LRRN1: variants seen among roughly 807,000 people sequenced by gnomAD.
LRRN1 encodes the protein leucine-rich repeat neuronal protein 1.
In LRRN1, 14 loss-of-function variants were observed where a neutral mutation model predicts 45.8. The ratio of observed to expected loss-of-function variants is 0.31; its 90% confidence interval spans 0.20 to 0.48. The LOEUF is 0.48. LRRN1 is among the 20% of genes least tolerant of loss of function. The pLI is 0.99. For missense variants in LRRN1, 789 were observed against 874.2 expected, an observed-to-expected ratio of 0.90 and a Z score of 1.23; for synonymous variants, 359 against 330.1, an observed-to-expected ratio of 1.09 and a Z score of -0.95.
At chr3:3,823,164 C>T (rs1693140045) in intron 1 of LRRN1, among the ~76,000 whole-genome samples, 1 of 152,122 alleles carries the variant, frequency 6.6e-6, no homozygotes, top group African/African-American at 2.4e-5. Flanking sequence ...GGTAGCCAGA[C>T]TATACTATTG....
intron 1 of LRRN1, among the ~76,000 whole-genome samples, chr3:3,808,272 G>A (rs1170800382): frequency 6.6e-6 from 1 of 152,158 alleles, no homozygotes; most frequent in Non-Finnish European, 1.5e-5. Flanking sequence ...ACTCTACACT[G>A]TGCCTTTCCA....
At chr3:3,811,379 AG>A (rs1259949529) in intron 1 of LRRN1, among the ~76,000 whole-genome samples, 6 of 152,268 alleles carry the variant, frequency 3.9e-5, no homozygotes, top group African/African-American at 1.4e-4. Context: ...CAGCTTCGTA[AG>A]GGAAAAGGCT....
intron 1 of LRRN1, among the ~76,000 whole-genome samples, chr3:3,826,830 G>A (rs942715764): frequency 2.6e-5 from 4 of 152,152 alleles, no homozygotes; most frequent in African/African-American, 4.8e-5. Flanking sequence ...TCAGCGTTCA[G>A]ATCGTATGTG....
chr3:3,803,275 T>A (rs564933146), intron 1 of LRRN1, among the ~76,000 whole-genome samples: 1 of 152,200 alleles, frequency 6.6e-6, no homozygotes, highest in African/African-American at 2.4e-5. Flanking sequence ...ATATTGCTAC[T>A]TCCCAAGCCA....
chr3:3,843,574 C>CA (rs1183916069), intron 1 of LRRN1, among the ~76,000 whole-genome samples: 6 of 151,464 alleles, frequency 4.0e-5, no homozygotes, highest in Admixed American at 6.6e-5. Context: ...ACTGTACCCC[C>CA]CCCCATACCC....
rs1280497774 is a variant in LRRN1, at chr3:3,848,892, C to T, written c.*2100C>T. Among the ~76,000 whole-genome samples the T allele has an allele frequency of 7.2e-5, 11 of 152,184 alleles. No individual in the cohort carries two copies. The highest frequency in any genetic ancestry group is 2.4e-4 in the African/African-American group (10 of 41,446). Reference sequence around the variant, plus strand: ...AAAATGCAGTACATCCTCAAGTTCCCATTTACTCAGGATACATTTTAGCAC... The same window carrying T: ...AAAATGCAGTACATCCTCAAGTTCCTATTTACTCAGGATACATTTTAGCAC... On this transcript the variant is annotated 3_prime_UTR_variant, in exon 2 of 2. Transcript: ENST00000319331.
At chr3:3,817,658 C>T (rs1693014856) in intron 1 of LRRN1, among the ~76,000 whole-genome samples, 1 of 151,344 alleles carries the variant, frequency 6.6e-6, no homozygotes, top group Admixed American at 6.6e-5. Context: ...TAGATCAGAG[C>T]TAAAGGCTCC....
At chr3:3,830,736 A>G (rs1426320229) in intron 1 of LRRN1, among the ~76,000 whole-genome samples, 1 of 152,118 alleles carries the variant, frequency 6.6e-6, no homozygotes, top group Non-Finnish European at 1.5e-5. Flanking sequence ...TGTATATACC[A>G]CTTCCATTTG....
intron 1 of LRRN1, among the ~76,000 whole-genome samples, chr3:3,804,784 A>T (rs1692721046): frequency 1.7e-5 from 1 of 60,400 alleles, no homozygotes; most frequent in South Asian, 6.3e-4. Flanking sequence ...AGTTACATTA[A>T]CAATGTACAT....
intron 1 of LRRN1, chr3:3,822,621 G>T (rs996488523): frequency 6.6e-5 from 10 of 152,116 alleles, no homozygotes; most frequent in Admixed American, 6.6e-4. Flanking sequence ...AGATCACAAA[G>T]AATTCTTTAA....
intron 1 of LRRN1, among the ~76,000 whole-genome samples, chr3:3,804,966 A>G (rs1174551149): frequency 1.3e-5 from 2 of 152,228 alleles, no homozygotes; most frequent in African/African-American, 4.8e-5. Flanking sequence ...AGGAAAGGAC[A>G]ATCTTGGAAA....
In LRRN1 at chr3:3,848,784, T is replaced by G. The variant is rs945254399; in HGVS notation, c.*1992T>G. Among the ~76,000 whole-genome samples the G allele has an allele frequency of 6.6e-6, 1 of 152,164 alleles. No individual in the cohort carries two copies. Among genetic ancestry groups the G allele is most frequent in the African/African-American group, 2.4e-5 (1 of 41,428 alleles). ...GTTCAGCGCTCTGCACTCCATTGAT[T>G]GTTCTAGGCCCGGCAGCCTGTTAGG... On this transcript the variant is annotated 3_prime_UTR_variant, in exon 2 of 2. Coordinates refer to ENST00000319331, the MANE Select transcript of LRRN1 (RefSeq NM_020873.7).
At chr3:3,811,631 A>G (rs1048188758) in intron 1 of LRRN1, among the ~76,000 whole-genome samples, 2 of 152,192 alleles carry the variant, frequency 1.3e-5, no homozygotes, top group Admixed American at 6.5e-5. Context: ...TGCTTTAGAG[A>G]GCTTATTATA....
chr3:3,812,228 A>T (rs13321784), intron 1 of LRRN1, among the ~76,000 whole-genome samples: 1 of 152,200 alleles, frequency 6.6e-6, no homozygotes. Flanking sequence ...CAATAATCCA[A>T]TTATCACACA....
Position 3,849,756 on chromosome 3 carries a change from T to C in LRRN1, c.*2964T>C, listed in dbSNP as rs115061482. Among the ~76,000 whole-genome samples, 2,133 of 152,314 alleles carry C rather than the reference T, an allele frequency of 0.014. 50 individuals carry two copies. The highest frequency in any genetic ancestry group is 0.049 in the African/African-American group (2,018 of 41,564). ...ATATAAAAACAAATGTAATGTTTGA[T>C]TGTCAGTGTTTCTGATTTGGCAAAA... On this transcript the variant is annotated 3_prime_UTR_variant, in exon 2 of 2. Transcript: ENST00000319331.
intron 1 of LRRN1, among the ~76,000 whole-genome samples, chr3:3,825,207 G>A (rs890105577): frequency 1.3e-5 from 2 of 152,082 alleles, no homozygotes; most frequent in Admixed American, 6.6e-5. Context: ...TGCTTCCCAT[G>A]CCTGGCCAAC....
chr3:3,829,866 C>T (rs536957333), intron 1 of LRRN1, among the ~76,000 whole-genome samples: 1 of 152,196 alleles, frequency 6.6e-6, no homozygotes, highest in African/African-American at 2.4e-5. Context: ...CCAGTGAGGA[C>T]AAACCTCTGC....
rs754037453 is a variant in LRRN1 at position 3,846,231 on chromosome 3, C to T, written c.1590C>T (p.Tyr530=). The T allele has an allele frequency of 1.2e-5, 20 of 1,613,908 alleles. No homozygotes were observed. The highest frequency in any genetic ancestry group is 2.2e-5 in the East Asian group (1 of 44,890). The change falls in exon 2 of 2, where the codon TAC becomes TAT. Residue 530 remains tyrosine (Y), a synonymous_variant. Coordinates refer to ENST00000319331, the MANE Select transcript of LRRN1 (RefSeq NM_020873.7). The surrounding 1 kb of genome is among the most constrained non-coding windows in gnomAD (Gnocchi z 5.7). ...ATGGTACCCAGGTGCTAAAAATATA[C>T]GTCAAGCAGACAGAATCCCATTCCA... The part of the protein sequence containing the change: ...LLDGTQVLKI[Y]VKQTESHSIL...
chr3:3,837,043 G>A (rs1288839212), intron 1 of LRRN1, among the ~76,000 whole-genome samples: 2 of 152,210 alleles, frequency 1.3e-5, no homozygotes, highest in East Asian at 1.9e-4. Context: ...GAGAACATCC[G>A]CCTTGAGAAG....
Sources: allele counts gnomAD v4.1 joint callset (sites outside exome capture counted in the v4.1 genomes callset), GRCh38; gene constraint gnomAD v4.1.1; non-coding constraint Gnocchi (gnomAD v3.1); transcripts MANE v1.5; gene names NCBI Gene and HGNC (gene_info 2026-07-23, HGNC 2026-07-21).